Variants in ZDHHC14 observed in about 807,000 individuals in gnomAD.
The protein encoded by ZDHHC14 is zDHHC palmitoyltransferase 14, also known as palmitoyltransferase ZDHHC14.
In ZDHHC14, 16 loss-of-function variants were observed where a neutral mutation model predicts 47.7. The observed-to-expected ratio is 0.34, with a 90% CI of 0.23 to 0.51. ZDHHC14 has a LOEUF of 0.51. Among genes scored for constraint, ZDHHC14 ranks in the 20% least tolerant of loss-of-function variants. ZDHHC14 has a pLI of 0.97. For synonymous variants in ZDHHC14, 293 were observed against 278.9 expected (o/e 1.05, Z -0.50); for missense variants, 515 against 662.5 (o/e 0.78, Z 2.44).
At chr6:157,435,999 G>A (rs1778433492) in intron 1 of ZDHHC14, among the ~76,000 whole-genome samples, 1 of 152,144 alleles carries the variant, frequency 6.6e-6, no homozygotes, top group African/African-American at 2.4e-5. Context: ...TGGGTGTGAA[G>A]AATTAGGGCA....
intron 2 of ZDHHC14, among the ~76,000 whole-genome samples, chr6:157,548,436 G>GTTTGT (rs71705103): frequency 7.3e-5 from 11 of 150,982 alleles, no homozygotes; most frequent in African/African-American, 2.2e-4. Context: ...TGTTGTTGTT[G>GTTTGT]TTGTTTGTTT....
intron 8 of ZDHHC14, among the ~76,000 whole-genome samples, chr6:157,670,152 C>G (rs148769287): frequency 1.3e-5 from 2 of 152,338 alleles, no homozygotes; most frequent in Non-Finnish European, 2.9e-5. Context: ...GCACCCTGAG[C>G]TGAAATTCCC....
chr6:157,619,433 A>G (rs6901638), intron 3 of ZDHHC14, among the ~76,000 whole-genome samples: 65,052 of 151,998 alleles, frequency 0.43, 15,025 homozygotes, highest in East Asian at 0.87. Flanking sequence ...CTTGGAAAAC[A>G]AGAAAATAGA....
intron 1 of ZDHHC14, among the ~76,000 whole-genome samples, chr6:157,421,079 C>G (rs1756203820): frequency 1.3e-5 from 2 of 151,974 alleles, no homozygotes; most frequent in Admixed American, 1.3e-4. Flanking sequence ...GTAGCAAATC[C>G]TCAGTGTTAC....
At chr6:157,666,903 G>A (rs568914769) in intron 8 of ZDHHC14, among the ~76,000 whole-genome samples, 1 of 152,226 alleles carries the variant, frequency 6.6e-6, no homozygotes, top group South Asian at 2.1e-4. Context: ...GTTACATGCC[G>A]ACACTTCATT....
intron 7 of ZDHHC14, among the ~76,000 whole-genome samples, chr6:157,651,175 G>A (rs1777817522): frequency 1.3e-5 from 2 of 152,338 alleles, no homozygotes; most frequent in South Asian, 2.1e-4. Flanking sequence ...TGTTATAGTC[G>A]GAGGCTCGAA....
At chr6:157,398,549 C>T (rs1209100489) in intron 1 of ZDHHC14, among the ~76,000 whole-genome samples, 1 of 152,164 alleles carries the variant, frequency 6.6e-6, no homozygotes, top group African/African-American at 2.4e-5. Flanking sequence ...ATAGTCCTGT[C>T]TCCTCCAAAG....
intron 3 of ZDHHC14, 118 bp downstream of exon 3, chr6:157,593,264 G>A (rs905925): frequency 7.7e-6 from 10 of 1,292,194 alleles, no homozygotes; most frequent in Non-Finnish European, 9.5e-6. Flanking sequence ...GCATTTGCAT[G>A]TTGCCACTGA....
intron 6 of ZDHHC14, 73 bp from the exon 7 acceptor site, chr6:157,647,186 C>A: frequency 1.0e-6 from 1 of 998,632 alleles, no homozygotes; most frequent in Non-Finnish European, 1.5e-6. Context: ...ATGAGCCTCT[C>A]ATGGTCCAGC....
Position 157,501,004 on chromosome 6 carries a change from T to G in ZDHHC14, c.246-41581T>G, listed in dbSNP as rs143675416. ...GTTATGAAGTTCATTATTTAGCATA[T>G]TGGAAAGATTGGATTTGTTTACAGT... On this transcript the variant is annotated intron_variant, in intron 1 of 8. Transcript: ENST00000359775. 7.6e-4 allele frequency among the ~76,000 whole-genome samples: 116 copies of G among 152,350 alleles called. 1 individual carries two copies. The East Asian group carries it at 0.021, about 28-fold the overall frequency.
chr6:157,410,691 C>T (rs1271637774), intron 1 of ZDHHC14, among the ~76,000 whole-genome samples: 1 of 152,102 alleles, frequency 6.6e-6, no homozygotes, highest in Non-Finnish European at 1.5e-5. Flanking sequence ...GATTTCATCT[C>T]TCTTTTTTAT....
intron 3 of ZDHHC14, among the ~76,000 whole-genome samples, chr6:157,615,453 G>C (rs1784928229): frequency 6.6e-6 from 1 of 152,174 alleles, no homozygotes; most frequent in Admixed American, 6.5e-5. Flanking sequence ...CTGCTGCTGG[G>C]CTGGCCAGCA....
intron 2 of ZDHHC14, chr6:157,592,765 G>T: frequency 7.4e-7 from 1 of 1,351,684 alleles, no homozygotes. Context: ...GTGCTCCATT[G>T]GCCAGAGCTC....
intron 1 of ZDHHC14, among the ~76,000 whole-genome samples, chr6:157,444,881 AG>A (rs907533470): frequency 6.6e-6 from 1 of 152,090 alleles, no homozygotes; most frequent in Non-Finnish European, 1.5e-5. Flanking sequence ...AGGGGTCACT[AG>A]TCATTGAAAG....
intron 1 of ZDHHC14, among the ~76,000 whole-genome samples, chr6:157,456,534 T>A (rs1778921768): frequency 6.6e-6 from 1 of 152,172 alleles, no homozygotes; most frequent in Non-Finnish European, 1.5e-5. Context: ...GTGACATTAT[T>A]TATTCGAGAA....
At chr6:157,451,957 T>G (rs1458036253) in intron 1 of ZDHHC14, among the ~76,000 whole-genome samples, 1 of 151,964 alleles carries the variant, frequency 6.6e-6, no homozygotes, top group African/African-American at 2.4e-5. Context: ...TCCCTAGGAG[T>G]GGGGAGGTCC....
chr6:157,620,463 T>A lies in ZDHHC14; in HGVS notation c.566-7886T>A, dbSNP rs376261965. Among the ~76,000 whole-genome samples the A allele has an allele frequency of 1.1e-3, 170 of 152,312 alleles. 2 individuals are homozygous for A. Among genetic ancestry groups the A allele is most frequent in the African/African-American group, 3.9e-3 (164 of 41,570 alleles). On this transcript the variant is annotated intron_variant, in intron 3 of 8. Transcript: ENST00000359775. Reference sequence around the variant, plus strand: ...GACAAATATTCAAACCCTAGCACCCTCCAAGCTCCACAATCGGAACAATAA... The same window carrying A: ...GACAAATATTCAAACCCTAGCACCCACCAAGCTCCACAATCGGAACAATAA...
intron 1 of ZDHHC14, among the ~76,000 whole-genome samples, chr6:157,483,362 G>A (rs796484947): frequency 5.9e-5 from 9 of 152,276 alleles, no homozygotes; most frequent in African/African-American, 1.7e-4. Flanking sequence ...AAACGGCAGC[G>A]TTGATGCACA....
intron 3 of ZDHHC14, among the ~76,000 whole-genome samples, chr6:157,610,690 A>C (rs1784719222): frequency 6.6e-6 from 1 of 152,156 alleles, no homozygotes; most frequent in Admixed American, 6.5e-5. Flanking sequence ...TTGTGGACAG[A>C]CCCATGTTGT....
Sources: gnomAD v4.1 joint callset for allele counts (sites outside exome capture counted in the v4.1 genomes callset) on GRCh38, gnomAD v4.1.1 for gene constraint, MANE v1.5 for transcripts, NCBI Gene and HGNC (gene_info 2026-07-23, HGNC 2026-07-21) for gene names.